The following TPBG variants were observed in gnomAD, a reference collection of about 807,000 sequenced individuals.
The protein encoded by TPBG is 5T4 oncofetal antigen.
A neutral mutation model predicts 19.3 loss-of-function variants in TPBG; 13 were observed. The observed-to-expected ratio is 0.67, with a 90% confidence interval of 0.44 to 1.07. TPBG has a LOEUF of 1.07. Ranked by LOEUF, TPBG falls within the 50% of genes least tolerant of loss-of-function variation. The pLI is 0.00. For missense variants in TPBG, 642 were observed against 559.6 expected, an observed-to-expected ratio of 1.15 and a Z score of -1.49; for synonymous variants, 338 against 259.8, an observed-to-expected ratio of 1.30 and a Z score of -2.89.
rs770267901 is a variant in TPBG at position 82,366,897 on chromosome 6, TAAAAA to T, written c.*683_*687del. ...ATCGAGATCCAACCGACTGAATTGTTAAAAAAAAAAAAAATAAAGATTCTTAAAAG... is the reference window on the plus strand; with the variant it reads ...ATCGAGATCCAACCGACTGAATTGTTAAAAAAAAATAAAGATTCTTAAAAG... On this transcript the variant is annotated 3_prime_UTR_variant, in exon 2 of 2. Transcript: ENST00000369750. 2 of 150,426 alleles carry T rather than the reference TAAAAA, an allele frequency of 1.3e-5. No individual in the cohort carries two copies. The highest frequency in any genetic ancestry group is 2.2e-4 in the South Asian group (1 of 4,524). The allele number at this position is 150,426 out of a possible 1,614,324, so 9.3% of individuals were successfully genotyped here.
rs1172041469 is a variant in TPBG, at chr6:82,366,757, C to T, written c.*533C>T. On this transcript the variant is annotated 3_prime_UTR_variant, in exon 2 of 2. Transcript: ENST00000369750. ...CATCCAAGAGCATGCTTACATTTTA[C>T]TGTTCTGCATATTACAAAAAATAAC... 1 of 167,120 alleles carries T rather than the reference C, an allele frequency of 6.0e-6. No individual in the cohort carries two copies. The allele number at this position is 167,120 out of a possible 1,614,324, so 10.4% of individuals were successfully genotyped here.
chr6:82,364,585 A>AGCCACCGCTGCC lies in TPBG; in HGVS notation c.-339-28_-339-27insCCGCCACCGCTG, dbSNP rs1767418071. ...GTTTTTGCACTCCGGAAGCCGCGGC[A>AGCCACCGCTGCC]GCCACCGCTGTTCACGCCTCTCTCC... On this transcript the variant is annotated intron_variant, in intron 1 of 1. Transcript: ENST00000369750. 3 of 215,674 alleles carry AGCCACCGCTGCC rather than the reference A, an allele frequency of 1.4e-5. No homozygotes were observed. The East Asian group carries it at 3.1e-4, about 22-fold the overall frequency. 13.4% of individuals were successfully genotyped at this position (215,674 alleles called of 1,614,324 possible). A position where few individuals can be genotyped will look rare whatever the true frequency, so the allele number is the denominator to read the frequency against.
chr6:82,364,843 A>C lies in TPBG; in HGVS notation c.-119A>C. On this transcript the variant is annotated 5_prime_UTR_variant, in exon 2 of 2. Coordinates refer to ENST00000369750, the MANE Select transcript of TPBG (RefSeq NM_001376922.1). ...GCTGCGGCGCCACTCCCTCGGTTCC[A>C]CGAGAGGAAAGTTTTTTTTTTCCAG... is the stretch of plus-strand genomic sequence containing the variant. 5 of 923,660 alleles carry C rather than the reference A, an allele frequency of 5.4e-6. No individual in the cohort carries two copies. The highest frequency in any genetic ancestry group is 7.5e-6 in the Non-Finnish European group (5 of 668,900). 57.2% of individuals were successfully genotyped at this position (923,660 alleles called of 1,614,324 possible). A position where few individuals can be genotyped will look rare whatever the true frequency, so the allele number is the denominator to read the frequency against.
chr6:82,364,779 A>T lies in TPBG; in HGVS notation c.-183A>T, dbSNP rs1767427343. ...GAAGGGGCGGGGGAATCGGCCCCTG[A>T]GGGAAGCGCCCGGTGGCGAGGGGGT... On this transcript the variant is annotated 5_prime_UTR_variant, in exon 2 of 2. Coordinates refer to ENST00000369750, the MANE Select transcript of TPBG (RefSeq NM_001376922.1). 1.6e-5 allele frequency: 8 copies of T among 505,110 alleles called. No individual in the cohort carries two copies. The East Asian group carries it at 2.8e-4, about 18-fold the overall frequency. 31.3% of individuals were successfully genotyped at this position (505,110 alleles called of 1,614,324 possible). A position where few individuals can be genotyped will look rare whatever the true frequency, so the allele number is the denominator to read the frequency against.
rs768796802 is a variant in TPBG, at chr6:82,365,818, A to T, written c.857A>T (p.His286Leu). 6.2e-7 allele frequency: 1 copy of T among 1,614,124 alleles called. No individual in the cohort carries two copies. The change falls in exon 2 of 2, where the codon CAC becomes CTC. Residue 286 changes from histidine (H) to leucine (L), a missense_variant. His to Leu is a moderately conservative substitution (Grantham distance 99, BLOSUM62 -3). Coordinates refer to ENST00000369750, the MANE Select transcript of TPBG (RefSeq NM_001376922.1). ...CTGGCTGAGTTGCAAGGTCTACCCC[A>T]CATTAGGGTTTTCCTGGACAACAAT... Reference protein sequence around the residue: ...GTLAELQGLPHIRVFLDNNPW... With the variant: ...GTLAELQGLPLIRVFLDNNPW...
rs997130259 is a variant in TPBG, at chr6:82,364,894, G to A, written c.-68G>A. 2.3e-6 allele frequency: 3 copies of A among 1,286,802 alleles called. No homozygotes were observed. Among genetic ancestry groups the A allele is most frequent in the African/African-American group, 1.6e-5 (1 of 63,626 alleles). The allele number at this position is 1,286,802 out of a possible 1,614,324, so 79.7% of individuals were successfully genotyped here. On this transcript the variant is annotated 5_prime_UTR_variant, in exon 2 of 2. Transcript: ENST00000369750. ...ACGCTTCCGCCGGCTCGCGCCCTCC[G>A]GGCCCAGCCTCCCGAGCCTTCGGAG...
chr6:82,366,022 C>A lies in TPBG; in HGVS notation c.1061C>A (p.Thr354Asn), dbSNP rs755484884. Residue 354 changes from threonine to asparagine, a missense_variant, in exon 2 of 2, where the codon ACC becomes AAC. Transcript: ENST00000369750. ...CCGATTCTTCCCCCATCCCTGCAAA[C>A]CTCTTATGTCTTCCTGGGTATTGTT... is the stretch of plus-strand genomic sequence containing the variant. ...CDPILPPSLQTSYVFLGIVLA... is the reference protein window; with the variant it reads ...CDPILPPSLQNSYVFLGIVLA... The A allele has an allele frequency of 6.2e-7, 1 of 1,613,958 alleles. No individual in the cohort carries two copies. The highest frequency in any genetic ancestry group is 1.7e-5 in the Admixed American group (1 of 60,010).
Position 82,366,062 on chromosome 6 carries a change from C to T in TPBG, c.1101C>T (p.Gly367=), listed in dbSNP as rs151274317. Residue 367 remains glycine (G), a synonymous_variant, in exon 2 of 2, where the codon GGC becomes GGT. Coordinates refer to ENST00000369750, the MANE Select transcript of TPBG (RefSeq NM_001376922.1). ...VFLGIVLALI[G]AIFLLVLYLN... ...TGGGTATTGTTTTAGCCCTGATAGG[C>T]GCTATTTTCCTCCTGGTTTTGTATT... 1.6e-3 allele frequency: 2,565 copies of T among 1,614,076 alleles called. 4 individuals are homozygous for T. The highest frequency in any genetic ancestry group is 2.0e-3 in the Non-Finnish European group (2,360 of 1,180,008).
At chr6:82,363,539 G>C (rs1767374068), upstream of TPBG, 1 of 152,224 alleles carries the variant, frequency 6.6e-6, no homozygotes, top group Non-Finnish European at 1.5e-5. Context: ...TCCAGTCCAA[G>C]GTAAATACAG....
chr6:82,363,448 C>CAG (rs1270042877), upstream of TPBG: 11 of 152,194 alleles, frequency 7.2e-5, no homozygotes, highest in Non-Finnish European at 1.5e-5. Context: ...TCGCGCTGCT[C>CAG]TGTCATGCCT....
chr6:82,364,920 C>T lies in TPBG; in HGVS notation c.-42C>T, dbSNP rs766248510. 1.3e-5 allele frequency: 18 copies of T among 1,372,550 alleles called. No homozygotes were observed. Among genetic ancestry groups the T allele is most frequent in the Non-Finnish European group, 1.7e-5 (18 of 1,060,016 alleles). 85.0% of individuals were successfully genotyped at this position (1,372,550 alleles called of 1,614,324 possible). ...GGCCCAGCCTCCCGAGCCTTCGGAG[C>T]GGGCGCCGTCCCAGCCCAGCTCCGG... On this transcript the variant is annotated 5_prime_UTR_variant, in exon 2 of 2. Coordinates refer to ENST00000369750, the MANE Select transcript of TPBG (RefSeq NM_001376922.1).
rs1767493483 is a variant in TPBG at position 82,366,087 on chromosome 6, T to G, written c.1126T>G (p.Leu376Val). 1 of 1,614,080 alleles carries G rather than the reference T, an allele frequency of 6.2e-7. No individual in the cohort carries two copies. Among genetic ancestry groups the G allele is most frequent in the African/African-American group, 1.3e-5 (1 of 74,940 alleles). Reference protein sequence around the residue: ...IGAIFLLVLYLNRKGIKKWMH... With the variant: ...IGAIFLLVLYVNRKGIKKWMH... ...CGCTATTTTCCTCCTGGTTTTGTAT[T>G]TGAACCGCAAGGGGATAAAAAAGTG... is the stretch of plus-strand genomic sequence containing the variant. Residue 376 changes from leucine (L) to valine (V), a missense_variant, in exon 2 of 2, where the codon TTG becomes GTG. Transcript: ENST00000369750.
At position 82,364,880 on chromosome 6, in the gene TPBG, G is replaced by A; in HGVS notation, c.-82G>A. The stretch of plus-strand genomic sequence containing the variant: ...TTTTTTTTTTCCAGACGCTTCCGCC[G>A]GCTCGCGCCCTCCGGGCCCAGCCTC... On this transcript the variant is annotated 5_prime_UTR_variant, in exon 2 of 2. Transcript: ENST00000369750. 4.2e-6 allele frequency: 5 copies of A among 1,202,712 alleles called. No homozygotes were observed. The highest frequency in any genetic ancestry group is 5.5e-6 in the Non-Finnish European group (5 of 915,642). The allele number at this position is 1,202,712 out of a possible 1,614,324, so 74.5% of individuals were successfully genotyped here. A position where few individuals can be genotyped will look rare whatever the true frequency, so the allele number is the denominator to read the frequency against.
Position 82,366,019 on chromosome 6 carries a change from A to G in TPBG, c.1058A>G (p.Gln353Arg). The G allele has an allele frequency of 6.2e-7, 1 of 1,613,938 alleles. No homozygotes were observed. Among genetic ancestry groups the G allele is most frequent in the South Asian group, 1.1e-5 (1 of 91,058 alleles). Residue 353 changes from glutamine to arginine, a missense_variant, in exon 2 of 2, where the codon CAA becomes CGA. Physicochemically the swap from Gln to Arg is conservative, Grantham distance 43 (BLOSUM62 1). Transcript: ENST00000369750. ...DCDPILPPSL[Q>R]TSYVFLGIVL... ...GACCCGATTCTTCCCCCATCCCTGC[A>G]AACCTCTTATGTCTTCCTGGGTATT...
At position 82,364,715 on chromosome 6, in the gene TPBG, A is replaced by AGCGCGGT. The variant is rs1286024381; in HGVS notation, c.-244_-243insCGGTGCG. Reference sequence around the variant, plus strand: ...AAGAGGAGCGGGAGCAGGAGCGCGGAGCGGAGCGTCCCGACCCGCCGTGCG... The same window carrying AGCGCGGT: ...AAGAGGAGCGGGAGCAGGAGCGCGGAGCGCGGTGCGGAGCGTCCCGACCCGCCGTGCG... On this transcript the variant is annotated 5_prime_UTR_variant, in exon 2 of 2. Transcript: ENST00000369750. 24 of 433,368 alleles carry AGCGCGGT rather than the reference A, an allele frequency of 5.5e-5. No homozygotes were observed. Among genetic ancestry groups the AGCGCGGT allele is most frequent in the African/African-American group, 4.4e-4 (21 of 48,204 alleles). The allele number at this position is 433,368 out of a possible 1,614,324, so 26.8% of individuals were successfully genotyped here.
In TPBG at chr6:82,366,483, G is replaced by T. The variant is rs986668710; in HGVS notation, c.*259G>T. ...CAACACGTATGGAGGGATTTTTCAG[G>T]TTTCAGCATGAACATGGGCTTCTTG... is the stretch of plus-strand genomic sequence containing the variant. On this transcript the variant is annotated 3_prime_UTR_variant, in exon 2 of 2. Coordinates refer to ENST00000369750, the MANE Select transcript of TPBG (RefSeq NM_001376922.1). The T allele has an allele frequency of 2.6e-5, 9 of 351,144 alleles. No homozygotes were observed. Among genetic ancestry groups the T allele is most frequent in the African/African-American group, 1.9e-4 (9 of 47,486 alleles). 21.8% of individuals were successfully genotyped at this position (351,144 alleles called of 1,614,324 possible). A position where few individuals can be genotyped will look rare whatever the true frequency, so the allele number is the denominator to read the frequency against.
Position 82,364,766 on chromosome 6 carries a change from G to A in TPBG, c.-196G>A, listed in dbSNP as rs1333405763. ...TACTTTCTGGAGGGAAGGGGCGGGGGAATCGGCCCCTGAGGGAAGCGCCCG... is the reference window on the plus strand; with the variant it reads ...TACTTTCTGGAGGGAAGGGGCGGGGAAATCGGCCCCTGAGGGAAGCGCCCG... On this transcript the variant is annotated 5_prime_UTR_variant, in exon 2 of 2. Coordinates refer to ENST00000369750, the MANE Select transcript of TPBG (RefSeq NM_001376922.1). 4 of 473,170 alleles carry A rather than the reference G, an allele frequency of 8.5e-6. No individual in the cohort carries two copies. Among genetic ancestry groups the A allele is most frequent in the South Asian group, 9.0e-5 (2 of 22,154 alleles). 29.3% of individuals were successfully genotyped at this position (473,170 alleles called of 1,614,324 possible). A position where few individuals can be genotyped will look rare whatever the true frequency, so the allele number is the denominator to read the frequency against.
chr6:82,365,453 C>T lies in TPBG; in HGVS notation c.492C>T (p.Gly164=). The T allele has an allele frequency of 6.2e-7, 1 of 1,610,796 alleles. No individual in the cohort carries two copies. The highest frequency in any genetic ancestry group is 8.5e-7 in the Non-Finnish European group (1 of 1,178,766). The change falls in exon 2 of 2, where the codon GGC becomes GGT. Residue 164 remains glycine, a synonymous_variant. Transcript: ENST00000369750. The part of the protein sequence containing the change: ...LADLSPFAFS[G]SNASVSAPSP... The stretch of plus-strand genomic sequence containing the variant: ...ACCTCAGTCCCTTCGCTTTCTCGGG[C>T]AGCAATGCCAGCGTCTCGGCCCCCA...
chr6:82,365,279 C>G lies in TPBG; in HGVS notation c.318C>G (p.Leu106=). The G allele has an allele frequency of 6.4e-7, 1 of 1,566,024 alleles. No individual in the cohort carries two copies. Among genetic ancestry groups the G allele is most frequent in the Admixed American group, 1.8e-5 (1 of 55,356 alleles). The change falls in exon 2 of 2, where the codon CTC becomes CTG. Residue 106 remains leucine (L), a synonymous_variant. Coordinates refer to ENST00000369750, the MANE Select transcript of TPBG (RefSeq NM_001376922.1). ...LFLTGNQLAV[L]PAGAFARRPP... ...TTACCGGCAACCAGCTGGCCGTGCT[C>G]CCTGCCGGCGCCTTCGCCCGCCGGC...
Sources: gnomAD v4.1 joint callset for allele counts on GRCh38, gnomAD v4.1.1 for gene constraint, MANE v1.5 for transcripts, NCBI Gene and HGNC (gene_info 2026-07-23, HGNC 2026-07-21) for gene names.